Variants in TRIM46 observed in about 807,000 individuals in gnomAD.
TRIM46 encodes tripartite motif containing 46.
TRIM46 carries 17 observed loss-of-function variants against 69.7 expected under a neutral mutation model. The observed-to-expected ratio is 0.24, with a 90% CI of 0.17 to 0.37. The LOEUF is 0.37. Among genes scored for constraint, TRIM46 ranks in the 10% least tolerant of loss-of-function variants. TRIM46 has a pLI of 1.00. For synonymous variants in TRIM46, 391 were observed against 429.0 expected (o/e 0.91, Z 1.09); for missense variants, 675 against 1,025.1 (o/e 0.66, Z 4.66).
At position 155,175,748 on chromosome 1, in the gene TRIM46, G is replaced by C; in HGVS notation, c.325+101G>C. The C allele has an allele frequency of 2.5e-6, 4 of 1,595,456 alleles. No individual in the cohort carries two copies. Among genetic ancestry groups the C allele is most frequent in the South Asian group, 1.1e-5 (1 of 90,602 alleles). Reference sequence around the variant, plus strand: ...GTCAGAGGCATCTGTCTGTCTTTCTGGGGGGTGGAGATACTGCTTACGCAG... The same window carrying C: ...GTCAGAGGCATCTGTCTGTCTTTCTCGGGGGTGGAGATACTGCTTACGCAG... On this transcript the variant is annotated intron_variant, in intron 2 of 9. Coordinates refer to ENST00000334634, the MANE Select transcript of TRIM46 (RefSeq NM_025058.5). The surrounding 1 kb of genome is among the most constrained non-coding windows in gnomAD (Gnocchi z 4.2).
In TRIM46 at chr1:155,174,042, G is replaced by A; in HGVS notation, c.63+13G>A. 6.4e-7 allele frequency: 1 copy of A among 1,557,788 alleles called. No homozygotes were observed. Among genetic ancestry groups the A allele is most frequent in the Non-Finnish European group, 8.7e-7 (1 of 1,150,912 alleles). ...GGTCCGCATCAGTGTGAGTTAAGGT[G>A]GGGTCGAGGGAAGGGGAGGGGGCGT... On this transcript the variant is annotated intron_variant, in intron 1 of 9. Transcript: ENST00000334634.
At position 155,175,999 on chromosome 1, in the gene TRIM46, G is replaced by A. The variant is rs553968434; in HGVS notation, c.437G>A (p.Gly146Glu). Residue 146 changes from glycine (G) to glutamate (E), a missense_variant, in exon 3 of 10, where the codon GGG (glycine) becomes GAG (glutamate). Transcript: ENST00000334634. The surrounding 1 kb of genome is among the most constrained non-coding windows in gnomAD (Gnocchi z 4.2). ...GAGCTTGGGGAGCGGGGTCTGGCAG[G>A]GCTTTTCCGGAACCTGACCCTGGAG... Reference protein sequence around the residue: ...DVELGERGLAGLFRNLTLERV... With the variant: ...DVELGERGLAELFRNLTLERV... The A allele has an allele frequency of 1.2e-6, 2 of 1,613,928 alleles. No individual in the cohort carries two copies. The highest frequency in any genetic ancestry group is 1.1e-5 in the South Asian group (1 of 91,080).
intron 1 of TRIM46, chr1:155,174,843 A>G: frequency 7.1e-7 from 1 of 1,414,324 alleles, no homozygotes; most frequent in Non-Finnish European, 9.2e-7. Context: ...GGTTGGTAAG[A>G]CCGATGGGGA....
chr1:155,174,890 G>A, intron 1 of TRIM46: 2 of 1,408,992 alleles, frequency 1.4e-6, no homozygotes, highest in Non-Finnish European at 1.8e-6. Flanking sequence ...AGTGGCCGCA[G>A]GCCGGAGCTG....
At chr1:155,182,260 A>G in intron 9 of TRIM46, 111 bp downstream of exon 9, 1 of 1,216,586 alleles carries the variant, frequency 8.2e-7, no homozygotes, top group Non-Finnish European at 1.1e-6. Context: ...GGAGGGGATT[A>G]GGAGGAAGTA....
In TRIM46 at chr1:155,175,312, C is replaced by T; in HGVS notation, c.64-74C>T. ...TCCTTCCTCAGACCCCTAGGGTATC[C>T]AAGGGCAGCCAAGGGGCTGCTGAGG... On this transcript the variant is annotated intron_variant, in intron 1 of 9. Coordinates refer to ENST00000334634, the MANE Select transcript of TRIM46 (RefSeq NM_025058.5). The surrounding 1 kb of genome is among the most constrained non-coding windows in gnomAD (Gnocchi z 4.2). 6.3e-7 allele frequency: 1 copy of T among 1,592,860 alleles called. No homozygotes were observed. Among genetic ancestry groups the T allele is most frequent in the South Asian group, 1.1e-5 (1 of 87,948 alleles).
Position 155,179,662 on chromosome 1 carries a change from G to A in TRIM46, c.1316G>A (p.Arg439His), listed in dbSNP as rs755118081. 3.7e-6 allele frequency: 6 copies of A among 1,610,310 alleles called. No homozygotes were observed. Among genetic ancestry groups the A allele is most frequent in the Middle Eastern group, 1.7e-4 (1 of 6,040 alleles). Residue 439 changes from arginine to histidine, a missense_variant, in exon 8 of 10, where the codon CGC (arginine) becomes CAC (histidine). Transcript: ENST00000334634. ...VPEAPVIDTQ[R>H]TFAYDQIFLC... ...GAGGCCCCCGTCATTGACACCCAGC[G>A]CACCTTTGCCTATGATCAGATCTTC...
chr1:155,179,806 G>C lies in TRIM46; in HGVS notation c.1460G>C (p.Arg487Thr). 6.2e-7 allele frequency: 1 copy of C among 1,612,732 alleles called. No individual in the cohort carries two copies. The highest frequency in any genetic ancestry group is 8.5e-7 in the Non-Finnish European group (1 of 1,179,744). The change falls in exon 8 of 10, where the codon AGG becomes ACG. Residue 487 changes from arginine (R) to threonine (T), a missense_variant. Physicochemically the swap from Arg to Thr is moderately conservative, Grantham distance 71. Transcript: ENST00000334634. ...CGCTGGCAGCGGCGGGAGGAGGTGA[G>C]GGGCACCAGTGCCCTGCTTGAGAAC... ...PTRWQRREEV[R>T]GTSALLENPD...
rs748816186 is a variant in TRIM46 at position 155,175,416 on chromosome 1, C to T, written c.94C>T (p.Leu32=). The change falls in exon 2 of 10, where the codon CTG becomes TTG. Residue 32 remains leucine (L), a synonymous_variant. Transcript: ENST00000334634. This position sits in a 1 kb window ranked among gnomAD's most constrained non-coding sequence, Gnocchi z 4.2. ...TSMKNMEKEL[L]CPVCQEMYKQ... ...CATGAAGAACATGGAGAAGGAACTG[C>T]TGTGCCCAGTGTGTCAAGAGATGTA... 4 of 1,614,016 alleles carry T rather than the reference C, an allele frequency of 2.5e-6. No homozygotes were observed. The highest frequency in any genetic ancestry group is 2.5e-6 in the Non-Finnish European group (3 of 1,180,000).
chr1:155,183,157 A>G lies in TRIM46; in HGVS notation c.1887-640A>G, dbSNP rs369094407. On this transcript the variant is annotated intron_variant, in intron 9 of 9. Transcript: ENST00000334634. ...AATCTCCTGACCTCGTGATCCGCCC[A>G]CCTTGGCCTCCCAAAGTGCTGGGAT... Among the ~76,000 whole-genome samples, 717 of 151,966 alleles carry G rather than the reference A, an allele frequency of 4.7e-3. 3 individuals are homozygous for G. The highest frequency in any genetic ancestry group is 0.015 in the African/African-American group (641 of 41,412).
At chr1:155,182,246 G>C in intron 9 of TRIM46, 97 bp downstream of exon 9, 1 of 1,304,834 alleles carries the variant, frequency 7.7e-7, no homozygotes, top group Non-Finnish European at 1.1e-6. Flanking sequence ...CTAGGGTGGG[G>C]CTGGGAGGGG....
intron 1 of TRIM46, chr1:155,174,483 G>A: frequency 1.4e-6 from 2 of 1,423,360 alleles, no homozygotes; most frequent in East Asian, 2.8e-5. Context: ...ACTCAGGGCT[G>A]CTTCCGAGCC....
intron 3 of TRIM46, 75 bp downstream of exon 3, chr1:155,176,306 G>A (rs1189479235): frequency 7.3e-7 from 1 of 1,369,950 alleles, no homozygotes; most frequent in Non-Finnish European, 9.8e-7. Context: ...TGGCATTGTG[G>A]GTTTCCAAAA....
chr1:155,175,320 G>T lies in TRIM46; in HGVS notation c.64-66G>T, dbSNP rs769301710. ...CAGACCCCTAGGGTATCCAAGGGCA[G>T]CCAAGGGGCTGCTGAGGTATGCCTA... On this transcript the variant is annotated intron_variant, in intron 1 of 9. Coordinates refer to ENST00000334634, the MANE Select transcript of TRIM46 (RefSeq NM_025058.5). This position sits in a 1 kb window ranked among gnomAD's most constrained non-coding sequence, Gnocchi z 4.2. 31 of 1,596,152 alleles carry T rather than the reference G, an allele frequency of 1.9e-5. No individual in the cohort carries two copies. The highest frequency in any genetic ancestry group is 2.6e-5 in the Non-Finnish European group (30 of 1,174,976).
Position 155,179,876 on chromosome 1 carries a change from C to T in TRIM46, c.1530C>T (p.Asn510=), listed in dbSNP as rs780840567. The stretch of plus-strand genomic sequence containing the variant: ...ATGTGCTGCGTGTCCGCGGCTGCAA[C>T]AAGGCCGGCTACGGCGAATACAGTG... ...SVYVLRVRGC[N]KAGYGEYSED... Residue 510 remains asparagine (N), a synonymous_variant, in exon 8 of 10, where the codon AAC becomes AAT. Transcript: ENST00000334634. 1 of 1,609,702 alleles carries T rather than the reference C, an allele frequency of 6.2e-7. No individual in the cohort carries two copies. Among genetic ancestry groups the T allele is most frequent in the African/African-American group, 1.3e-5 (1 of 75,008 alleles).
At position 155,173,870 on chromosome 1, in the gene TRIM46, G is replaced by T; in HGVS notation, c.-97G>T. 1 of 1,274,936 alleles carries T rather than the reference G, an allele frequency of 7.8e-7. No homozygotes were observed. The highest frequency in any genetic ancestry group is 2.0e-5 in the Admixed American group (1 of 50,452). The allele number at this position is 1,274,936 out of a possible 1,614,324, so 79.0% of individuals were successfully genotyped here. ...ATGCGCAGTGACACCTCAACCCCCA[G>T]CCCTCCTCACACCCCCACTGGGCTC... On this transcript the variant is annotated 5_prime_UTR_variant, in exon 1 of 10. Transcript: ENST00000334634.
intron 3 of TRIM46, 113 bp from the exon 4 acceptor site, chr1:155,176,819 A>C: frequency 7.5e-7 from 1 of 1,328,848 alleles, no homozygotes; most frequent in Non-Finnish European, 1.1e-6. Context: ...CCACCAGCGG[A>C]TGTCTCCACT....
chr1:155,181,576 G>A lies in TRIM46; in HGVS notation c.1589-276G>A, dbSNP rs1666177326. On this transcript the variant is annotated intron_variant, in intron 8 of 9. Transcript: ENST00000334634. The surrounding 1 kb of genome is among the most constrained non-coding windows in gnomAD (Gnocchi z 4.3). Reference sequence around the variant, plus strand: ...CTGGCCACAAGTAAGGGGTTCGAGGGAGCCCCATGAGTCAGCCAGGTCCGG... The same window carrying A: ...CTGGCCACAAGTAAGGGGTTCGAGGAAGCCCCATGAGTCAGCCAGGTCCGG... Among the ~76,000 whole-genome samples, 1 of 152,132 alleles carries A rather than the reference G, an allele frequency of 6.6e-6. No individual in the cohort carries two copies. Among genetic ancestry groups the A allele is most frequent in the African/African-American group, 2.4e-5 (1 of 41,428 alleles).
intron 9 of TRIM46, chr1:155,182,686 C>T (rs1666253025): frequency 6.5e-6 from 1 of 154,510 alleles, no homozygotes; most frequent in Non-Finnish European, 1.4e-5. Context: ...ACTAAAAATA[C>T]AAAAAAAATA....
Sources: gnomAD v4.1 joint callset for allele counts (sites outside exome capture counted in the v4.1 genomes callset) on GRCh38, gnomAD v4.1.1 for gene constraint, Gnocchi (gnomAD v3.1) non-coding constraint, MANE v1.5 for transcripts, NCBI Gene and HGNC (gene_info 2026-07-23, HGNC 2026-07-21) for gene names.